The following ELFN2 variants were observed in gnomAD, a reference collection of about 807,000 sequenced individuals.
ELFN2 encodes extracellular leucine rich repeat and fibronectin type III domain containing 2.
ELFN2 carries 17 observed loss-of-function variants against 45.5 expected under a neutral mutation model. That is an observed-to-expected ratio of 0.37 (90% CI 0.26 to 0.56). The LOEUF is 0.56. Among genes scored for constraint, ELFN2 ranks in the 20% least tolerant of loss-of-function variants. The pLI is 0.77. For synonymous variants in ELFN2, 550 were observed against 551.5 expected, an observed-to-expected ratio of 1.00 and a Z score of 0.04; for missense variants, 922 against 1,183.2, an observed-to-expected ratio of 0.78 and a Z score of 3.24.
Position 37,410,372 on chromosome 22 carries a change from G to A in ELFN2, c.-463+7397C>T, listed in dbSNP as rs189302877. On this transcript the variant is annotated intron_variant, in intron 2 of 2. Coordinates refer to ENST00000402918, the MANE Select transcript of ELFN2 (RefSeq NM_052906.5). ...CACCCTCAGCCTGGCCACTCACTGC[G>A]GTGTGGCCCCGAGCCAGCGCCTCAC... 2.0e-3 allele frequency among the ~76,000 whole-genome samples: 309 copies of A among 152,302 alleles called. 11 individuals are homozygous for A. Among genetic ancestry groups the A allele is most frequent in the Admixed American group, 0.017 (267 of 15,298 alleles).
rs1932776679 is a variant in ELFN2, at chr22:37,417,700, A to C, written c.-463+69T>G. On this transcript the variant is annotated intron_variant, in intron 2 of 2. Transcript: ENST00000402918. This position sits in a 1 kb window ranked among gnomAD's most constrained non-coding sequence, Gnocchi z 4.5. The stretch of plus-strand genomic sequence containing the variant: ...AGGCTGGGCCACATCACAGGTTTGC[A>C]AGGCCGGGTCATGTGAGCTATGCTC... The C allele has an allele frequency of 6.6e-6, 1 of 152,534 alleles. No individual in the cohort carries two copies. Among genetic ancestry groups the C allele is most frequent in the African/African-American group, 2.4e-5 (1 of 41,480 alleles). The allele number at this position is 152,534 out of a possible 1,614,324, so 9.4% of individuals were successfully genotyped here.
intron 2 of ELFN2, among the ~76,000 whole-genome samples, chr22:37,397,064 C>A (rs1168950128): frequency 6.6e-6 from 1 of 152,158 alleles, no homozygotes. Context: ...TGGTGGGTGA[C>A]CACCAACACG....
In ELFN2 at chr22:37,361,422, T is replaced by C. The variant is rs562990282; in HGVS notation, n.149-18719A>G. Among the ~76,000 whole-genome samples the C allele has an allele frequency of 4.6e-5, 6 of 130,322 alleles. No individual in the cohort carries two copies. In the South Asian group the frequency reaches 1.5e-3, roughly 32 times the overall value. The allele number at this position is 130,322 out of a possible 152,430, so 85.5% of individuals were successfully genotyped here. A position where few individuals can be genotyped will look rare whatever the true frequency, so the allele number is the denominator to read the frequency against. The stretch of plus-strand genomic sequence containing the variant: ...CAGGAGAAGTTCCTGCCAGCCCCAC[T>C]CAACTCCTGGGCCCAAGTGACGCCA... On this transcript the variant is annotated intron_variant and non_coding_transcript_variant, in intron 1 of 2. Coordinates refer to ENST00000452946, the Ensembl canonical transcript of ELFN2.
rs562147984 is a variant in ELFN2, at chr22:37,389,817, G to A, written c.-462-13821C>T. On this transcript the variant is annotated intron_variant, in intron 2 of 2. Transcript: ENST00000402918. ...TTCCTGTCTGCGCCCCTCCCCCAGT[G>A]CCCAGCCTAAGGCCTGGCGCATAGT... is the stretch of plus-strand genomic sequence containing the variant. Among the ~76,000 whole-genome samples, 15 of 152,306 alleles carry A rather than the reference G, an allele frequency of 9.8e-5. No homozygotes were observed. In the South Asian group the frequency reaches 2.9e-3, roughly 29 times the overall value.
At chr22:37,420,775 AAG>A (rs1569145284) in intron 1 of ELFN2, among the ~76,000 whole-genome samples, 1 of 152,214 alleles carries the variant, frequency 6.6e-6, no homozygotes, top group East Asian at 1.9e-4. Flanking sequence ...AACGAAACGG[AAG>A]ATGATTAGCC....
intron 2 of ELFN2, among the ~76,000 whole-genome samples, chr22:37,405,015 C>T (rs1357919991): frequency 6.6e-6 from 1 of 151,548 alleles, no homozygotes; most frequent in Non-Finnish European, 1.5e-5. Context: ...GCCTCAGGCC[C>T]TGGGCTGAAT....
chr22:37,402,287 C>A (rs1160904830), intron 2 of ELFN2, among the ~76,000 whole-genome samples: 5 of 152,230 alleles, frequency 3.3e-5, no homozygotes, highest in Non-Finnish European at 4.4e-5. Context: ...GGCAAGCTGG[C>A]AGCTCCAAAG....
At position 37,374,859 on chromosome 22, in the gene ELFN2, G is replaced by T. The variant is rs373685231; in HGVS notation, c.676C>A (p.Leu226Met). The change falls in exon 3 of 3, where the codon CTG becomes ATG. Residue 226 changes from leucine to methionine, a missense_variant. Coordinates refer to ENST00000402918, the MANE Select transcript of ELFN2 (RefSeq NM_052906.5). Reference protein sequence around the residue: ...ESPREFAGYPLLVPRPYHSLN... With the variant: ...ESPREFAGYPMLVPRPYHSLN... Reference sequence around the variant, plus strand: ...CTGTGGTAGGGCCGGGGCACCAGCAGCGGGTAGCCGGCAAACTCCCGCGGC... The same window carrying T: ...CTGTGGTAGGGCCGGGGCACCAGCATCGGGTAGCCGGCAAACTCCCGCGGC... 1 of 1,608,302 alleles carries T rather than the reference G, an allele frequency of 6.2e-7. No homozygotes were observed. Among genetic ancestry groups the T allele is most frequent in the Non-Finnish European group, 8.5e-7 (1 of 1,179,818 alleles).
intron 2 of ELFN2, chr22:37,385,385 C>T (rs1390113297): frequency 6.6e-6 from 1 of 152,260 alleles, no homozygotes; most frequent in East Asian, 1.9e-4. Context: ...CTGTGGGATC[C>T]TGTTTCATCT....
intron 2 of ELFN2, among the ~76,000 whole-genome samples, chr22:37,409,691 A>G (rs914019323): frequency 2.0e-5 from 3 of 152,216 alleles, no homozygotes; most frequent in East Asian, 3.9e-4. Flanking sequence ...GAAAAAGTGC[A>G]AACAGCCCAG....
downstream of ELFN2, among the ~76,000 whole-genome samples, chr22:37,365,104 C>A (rs541230602): frequency 1.3e-5 from 2 of 152,252 alleles, no homozygotes; most frequent in East Asian, 3.9e-4. Flanking sequence ...ATGACAGGAG[C>A]AGGAGGAGGC....
At chr22:37,382,018 C>T (rs918116173) in intron 2 of ELFN2, among the ~76,000 whole-genome samples, 7 of 148,096 alleles carry the variant, frequency 4.7e-5, no homozygotes, top group East Asian at 2.0e-4. Context: ...AGGGAGAAGC[C>T]CCCCCTGTGA....
intron 1 of ELFN2, among the ~76,000 whole-genome samples, chr22:37,348,840 G>A (rs1029765478): frequency 6.6e-6 from 1 of 150,666 alleles, no homozygotes; most frequent in Non-Finnish European, 1.5e-5. Context: ...ATGAGGGGTC[G>A]GGAGAAAATC....
chr22:37,397,483 A>G (rs1490837106), intron 2 of ELFN2, among the ~76,000 whole-genome samples: 2 of 152,176 alleles, frequency 1.3e-5, no homozygotes, highest in Admixed American at 6.5e-5. Context: ...GCCGTCCAGT[A>G]CGATGGCTCC....
rs1235508178 is a variant in ELFN2 at position 37,372,986 on chromosome 22, C to A, written c.*86G>T. 3 of 1,464,000 alleles carry A rather than the reference C, an allele frequency of 2.0e-6. No individual in the cohort carries two copies. In the Admixed American group the frequency reaches 7.0e-5, roughly 34 times the overall value. The allele number at this position is 1,464,000 out of a possible 1,614,324, so 90.7% of individuals were successfully genotyped here. On this transcript the variant is annotated 3_prime_UTR_variant, in exon 3 of 3. Coordinates refer to ENST00000402918, the MANE Select transcript of ELFN2 (RefSeq NM_052906.5). The surrounding 1 kb of genome is among the most constrained non-coding windows in gnomAD (Gnocchi z 4.4). Reference sequence around the variant, plus strand: ...CTCTCCTGGGCCTTGGCCCCCGAGTCTGCTCCCCGCCCTGGCCGCCTGGAC... The same window carrying A: ...CTCTCCTGGGCCTTGGCCCCCGAGTATGCTCCCCGCCCTGGCCGCCTGGAC...
intron 2 of ELFN2, among the ~76,000 whole-genome samples, chr22:37,410,891 C>A (rs916499100): frequency 1.3e-5 from 2 of 152,186 alleles, no homozygotes; most frequent in African/African-American, 2.4e-5. Context: ...GGGGCAGACA[C>A]CCCCACATTT....
intron 1 of ELFN2, among the ~76,000 whole-genome samples, chr22:37,419,408 C>A (rs1427661110): frequency 6.6e-6 from 1 of 152,050 alleles, no homozygotes; most frequent in East Asian, 1.9e-4. Flanking sequence ...AACTTCCCAC[C>A]GCCGCAGAGA....
intron 1 of ELFN2, among the ~76,000 whole-genome samples, chr22:37,358,973 C>T (rs7287834): frequency 0.039 from 6,008 of 152,140 alleles, 423 homozygotes; most frequent in African/African-American, 0.14. Context: ...AGCAGGAGGA[C>T]TGGGGGCCGC....
rs555147861 is a variant in ELFN2 at position 37,408,698 on chromosome 22, C to T, written c.-463+9071G>A. 2.0e-5 allele frequency among the ~76,000 whole-genome samples: 3 copies of T among 152,312 alleles called. No individual in the cohort carries two copies. The South Asian group carries it at 6.2e-4, about 32-fold the overall frequency. Reference sequence around the variant, plus strand: ...GCCAAGGGCGCCCAACACAGCAAGGCAGTCAGGTTCAGATGGCCAGTTTCA... The same window carrying T: ...GCCAAGGGCGCCCAACACAGCAAGGTAGTCAGGTTCAGATGGCCAGTTTCA... On this transcript the variant is annotated intron_variant, in intron 2 of 2. Coordinates refer to ENST00000402918, the MANE Select transcript of ELFN2 (RefSeq NM_052906.5).
Sources: gnomAD v4.1 joint callset for allele counts (sites outside exome capture counted in the v4.1 genomes callset) on GRCh38, gnomAD v4.1.1 for gene constraint, Gnocchi (gnomAD v3.1) non-coding constraint, MANE v1.5 for transcripts, NCBI Gene and HGNC (gene_info 2026-07-23, HGNC 2026-07-21) for gene names.